The following VIPR2 variants were observed in gnomAD, a reference collection of about 807,000 sequenced individuals.
VIPR2 encodes the protein vasoactive intestinal peptide receptor 2.
A neutral mutation model predicts 58.0 loss-of-function variants in VIPR2; 48 were observed. The observed-to-expected ratio is 0.83, with a 90% CI of 0.66 to 1.05. The LOEUF is 1.05. Among genes scored for constraint, VIPR2 ranks in the 50% least tolerant of loss-of-function variants. The pLI is 0.00. For missense variants in VIPR2, 534 were observed against 558.0 expected (o/e 0.96, Z 0.43); for synonymous variants, 243 against 235.2 (o/e 1.03, Z -0.30).
Position 159,113,526 on chromosome 7 carries a change from C to T in VIPR2, c.152-3607G>A, listed in dbSNP as rs191218284. ...TGTCTGAGGGGTTTTGTCTGCAGCT[C>T]GTCCTGCTACAAGAGAAAAAATGGA... On this transcript the variant is annotated intron_variant, in intron 2 of 12. Transcript: ENST00000262178. Among the ~76,000 whole-genome samples, 74 of 152,182 alleles carry T rather than the reference C, an allele frequency of 4.9e-4. No individual in the cohort carries two copies. In the Middle Eastern group the frequency reaches 0.01, roughly 21 times the overall value.
chr7:159,048,013 T>C (rs566608796), intron 5 of VIPR2, among the ~76,000 whole-genome samples: 210 of 152,338 alleles, frequency 1.4e-3, no homozygotes, highest in Admixed American at 4.1e-3. Flanking sequence ...AAAAATTATG[T>C]GGAAATAAAA....
intron 12 of VIPR2, 82 bp from the exon 13 acceptor site, chr7:159,030,871 C>G: frequency 7.1e-7 from 1 of 1,408,358 alleles, no homozygotes. Flanking sequence ...CCGCGAGCCT[C>G]CAGCTCTCCC....
rs1423192043 is a variant in VIPR2 at position 159,030,457 on chromosome 7, A to T, written c.*159T>A. Reference sequence around the variant, plus strand: ...TCAATGACAACACGACTCCAATTCCAGGTATGGGGTTTAGTGGACAACCAG... The same window carrying T: ...TCAATGACAACACGACTCCAATTCCTGGTATGGGGTTTAGTGGACAACCAG... On this transcript the variant is annotated 3_prime_UTR_variant, in exon 13 of 13. Transcript: ENST00000262178. 3.9e-6 allele frequency: 3 copies of T among 761,736 alleles called. No homozygotes were observed. Among genetic ancestry groups the T allele is most frequent in the South Asian group, 2.6e-5 (1 of 38,348 alleles). The allele number at this position is 761,736 out of a possible 1,614,324, so 47.2% of individuals were successfully genotyped here.
At chr7:159,067,494 T>C (rs1471494099) in intron 4 of VIPR2, among the ~76,000 whole-genome samples, 2 of 152,350 alleles carry the variant, frequency 1.3e-5, no homozygotes, top group African/African-American at 4.8e-5. Context: ...ACCTGGAAGC[T>C]ACACTCATCC....
rs1380964463 is a variant in VIPR2 at position 159,063,839 on chromosome 7, G to A, written c.358-5261C>T. Reference sequence around the variant, plus strand: ...CTGGTGGGGTCCGGGGGTCCTGGTGGGGTCTGGGGGGCCTGGTGGGTTCCG... The same window carrying A: ...CTGGTGGGGTCCGGGGGTCCTGGTGAGGTCTGGGGGGCCTGGTGGGTTCCG... On this transcript the variant is annotated intron_variant, in intron 4 of 12. Transcript: ENST00000262178. Among the ~76,000 whole-genome samples the A allele has an allele frequency of 4.3e-5, 5 of 116,982 alleles. No homozygotes were observed. In the South Asian group the frequency reaches 1.7e-3, roughly 40 times the overall value. The allele number at this position is 116,982 out of a possible 152,430, so 76.7% of individuals were successfully genotyped here.
At chr7:159,080,705 T>C (rs1856859058) in intron 4 of VIPR2, among the ~76,000 whole-genome samples, 2 of 152,220 alleles carry the variant, frequency 1.3e-5, no homozygotes, top group Non-Finnish European at 2.9e-5. Flanking sequence ...CATGATTGTA[T>C]ATCTAGAAAA....
intron 4 of VIPR2, 111 bp downstream of exon 4, chr7:159,103,646 A>T (rs949063638): frequency 3.1e-5 from 26 of 827,400 alleles, no homozygotes; most frequent in Non-Finnish European, 4.8e-5. Context: ...ATTGGTACTC[A>T]GAGGATTATT....
intron 2 of VIPR2, among the ~76,000 whole-genome samples, chr7:159,115,842 C>G (rs184597544): frequency 6.6e-6 from 1 of 152,260 alleles, no homozygotes; most frequent in Non-Finnish European, 1.5e-5. Context: ...CCTCCGATTC[C>G]GTTGCTGCTT....
chr7:159,063,657 G>A (rs1408173500), intron 4 of VIPR2, among the ~76,000 whole-genome samples: 5 of 150,652 alleles, frequency 3.3e-5, no homozygotes, highest in Admixed American at 6.6e-5. Flanking sequence ...AAGAGCGAGC[G>A]AGGGCTGCCA....
At chr7:159,080,331 G>A (rs189668883) in intron 4 of VIPR2, among the ~76,000 whole-genome samples, 3,487 of 151,708 alleles carry the variant, frequency 0.023, 151 homozygotes, top group African/African-American at 0.08. Flanking sequence ...ATCAATAAAC[G>A]TAATCCAGCA....
intron 4 of VIPR2, among the ~76,000 whole-genome samples, chr7:159,075,386 T>C (rs1333598882): frequency 6.6e-6 from 1 of 152,280 alleles, no homozygotes. Context: ...TTTCATAGCA[T>C]ATAAACCTTG....
rs1018134587 is a variant in VIPR2 at position 159,030,550 on chromosome 7, G to A, written c.*66C>T. On this transcript the variant is annotated 3_prime_UTR_variant, in exon 13 of 13. Transcript: ENST00000262178. ...TCGGGCATCTGGAAGGAGGAAGCCG[G>A]CGTCTCAGCCCCGCAGAAGCCCCGA... 6.9e-7 allele frequency: 1 copy of A among 1,457,778 alleles called. No homozygotes were observed. The highest frequency in any genetic ancestry group is 9.1e-7 in the Non-Finnish European group (1 of 1,101,374). The allele number at this position is 1,457,778 out of a possible 1,614,324, so 90.3% of individuals were successfully genotyped here.
rs1853547069 is a variant in VIPR2, at chr7:159,031,103, G to C, written c.1144-314C>G. Among the ~76,000 whole-genome samples, 1 of 152,158 alleles carries C rather than the reference G, an allele frequency of 6.6e-6. No individual in the cohort carries two copies. Among genetic ancestry groups the C allele is most frequent in the Admixed American group, 6.5e-5 (1 of 15,282 alleles). On this transcript the variant is annotated intron_variant, in intron 12 of 12. Coordinates refer to ENST00000262178, the MANE Select transcript of VIPR2 (RefSeq NM_003382.5). The surrounding 1 kb of genome is among the most constrained non-coding windows in gnomAD (Gnocchi z 4.0). ...TATTTCTCTGAAAAGATTTTCCTTA[G>C]CAGCCGGGGTTGTGACGGTGCTGGG... is the stretch of plus-strand genomic sequence containing the variant.
chr7:159,032,472 G>A (rs1045748412), intron 10 of VIPR2, among the ~76,000 whole-genome samples: 1 of 152,208 alleles, frequency 6.6e-6, no homozygotes, highest in African/African-American at 2.4e-5. Flanking sequence ...CCACACGCAG[G>A]TTTAAATGAT....
chr7:159,096,635 G>A lies in VIPR2; in HGVS notation c.357+7122C>T, dbSNP rs1437055514. On this transcript the variant is annotated intron_variant, in intron 4 of 12. Transcript: ENST00000262178. This position sits in a 1 kb window ranked among gnomAD's most constrained non-coding sequence, Gnocchi z 5.5. ...CCCGTATCTCCTTTGGCCCTGAAAA[G>A]ACTCATCCATTTATTTGGAAAGTAT... is the stretch of plus-strand genomic sequence containing the variant. Among the ~76,000 whole-genome samples the A allele has an allele frequency of 1.3e-5, 2 of 152,180 alleles. No homozygotes were observed. The highest frequency in any genetic ancestry group is 4.8e-5 in the African/African-American group (2 of 41,448).
chr7:159,132,461 C>T (rs1175511817), intron 2 of VIPR2, among the ~76,000 whole-genome samples: 1 of 151,690 alleles, frequency 6.6e-6, no homozygotes, highest in Non-Finnish European at 1.5e-5. Flanking sequence ...TGGCCTGGAT[C>T]CAGTCGGAGG....
chr7:159,129,091 T>A (rs9690708), intron 2 of VIPR2, among the ~76,000 whole-genome samples: 21 of 150,536 alleles, frequency 1.4e-4, no homozygotes, highest in Middle Eastern at 3.4e-3. Flanking sequence ...GCCTGGGGGG[T>A]CAGGGCCAGG....
At chr7:159,116,441 G>A (rs576229979) in intron 2 of VIPR2, among the ~76,000 whole-genome samples, 50 of 152,072 alleles carry the variant, frequency 3.3e-4, no homozygotes, top group African/African-American at 1.2e-3. Context: ...AAGCAAGTGG[G>A]CAGAGTGGGC....
intron 4 of VIPR2, among the ~76,000 whole-genome samples, chr7:159,062,303 G>A (rs772884492): frequency 2.0e-5 from 3 of 152,218 alleles, no homozygotes; most frequent in Admixed American, 6.5e-5. Context: ...CGAGGTGTTC[G>A]TAATTCGTGG....
Sources: allele counts gnomAD v4.1 joint callset (sites outside exome capture counted in the v4.1 genomes callset), GRCh38; gene constraint gnomAD v4.1.1; non-coding constraint Gnocchi (gnomAD v3.1); transcripts MANE v1.5; gene names NCBI Gene and HGNC (gene_info 2026-07-23, HGNC 2026-07-21).